SACS: variants seen among roughly 807,000 people sequenced by gnomAD.
SACS encodes sacsin.
SACS carries 197 observed loss-of-function variants against 348.0 expected under a neutral mutation model. That is an observed-to-expected ratio of 0.57 (90% CI 0.50 to 0.64). SACS has a LOEUF of 0.64. Ranked by LOEUF, SACS falls within the 30% of genes least tolerant of loss-of-function variation. SACS has a pLI of 0.00. For synonymous variants in SACS, 1,985 were observed against 1,910.6 expected, an observed-to-expected ratio of 1.04 and a Z score of -1.02; for missense variants, 4,999 against 5,360.8, an observed-to-expected ratio of 0.93 and a Z score of 2.11.
intron 9 of SACS, among the ~76,000 whole-genome samples, chr13:23,351,176 A>G (rs541616706): frequency 6.6e-6 from 1 of 152,364 alleles, no homozygotes; most frequent in Non-Finnish European, 1.5e-5. Context: ...GTAAGGCCCT[A>G]TATCATCATG....
Position 23,335,910 on chromosome 13 carries a change from G to C in SACS, c.7966C>G (p.Pro2656Ala). 7 of 1,612,850 alleles carry C rather than the reference G, an allele frequency of 4.3e-6. No homozygotes were observed. Among genetic ancestry groups the C allele is most frequent in the Non-Finnish European group, 5.9e-6 (7 of 1,179,006 alleles). Residue 2656 changes from proline (P) to alanine (A), a missense_variant, in exon 10 of 10, where the codon CCA becomes GCA. Pro to Ala is a conservative substitution (Grantham distance 27). This residue lies in a region of SACS where 3,156 missense variants were observed against 3,380.1 expected (regional missense o/e 0.93). Transcript: ENST00000382292. This position sits in a 1 kb window ranked among gnomAD's most constrained non-coding sequence, Gnocchi z 4.7. ...CIFDPHARYA[P>A]GATSISPGRM... Reference sequence around the variant, plus strand: ...CCGGGACTAATGGATGTGGCCCCTGGTGCATATCTGGCATGAGGATCAAAA... The same window carrying C: ...CCGGGACTAATGGATGTGGCCCCTGCTGCATATCTGGCATGAGGATCAAAA...
At chr13:23,365,304 G>C in intron 5 of SACS, 27 bp from the exon 6 acceptor site, 1 of 1,274,122 alleles carries the variant, frequency 7.8e-7, no homozygotes. Context: ...CCAAAAAATA[G>C]TAATTAATAA....
rs1868619592 is a variant in SACS, at chr13:23,336,566, C to T, written c.7310G>A (p.Arg2437Lys). Residue 2437 changes from arginine to lysine, a missense_variant, in exon 10 of 10, where the codon AGA (arginine) becomes AAA (lysine). Physicochemically the swap from Arg to Lys is conservative, Grantham distance 26. This residue lies in a region of SACS where 3,156 missense variants were observed against 3,380.1 expected (regional missense o/e 0.93). Coordinates refer to ENST00000382292, the MANE Select transcript of SACS (RefSeq NM_014363.6). ...CTCACAAAATTCTTGTTTCTTTTCT[C>T]TAATGAGACTCCATATTCCTTCACT... ...IISEGIWSLI[R>K]EKKQEFCEKN... The T allele has an allele frequency of 1.2e-6, 2 of 1,613,572 alleles. No individual in the cohort carries two copies. The highest frequency in any genetic ancestry group is 1.3e-5 in the African/African-American group (1 of 74,890).
chr13:23,414,507 C>T (rs149841943), intron 1 of SACS, among the ~76,000 whole-genome samples: 3 of 151,456 alleles, frequency 2.0e-5, no homozygotes, highest in East Asian at 3.9e-4. Context: ...GAACACTGCA[C>T]ATTCATGCTT....
At chr13:23,359,103 AC>A (rs1870573565) in intron 6 of SACS, among the ~76,000 whole-genome samples, 1 of 151,788 alleles carries the variant, frequency 6.6e-6, no homozygotes, top group South Asian at 2.1e-4. Flanking sequence ...AACTGCTTGA[AC>A]CCGAGAGGCA....
At position 23,341,681 on chromosome 13, in the gene SACS, C is replaced by T. The variant is rs770762001; in HGVS notation, c.2195G>A (p.Cys732Tyr). 7 of 1,610,646 alleles carry T rather than the reference C, an allele frequency of 4.3e-6. No homozygotes were observed. The highest frequency in any genetic ancestry group is 5.9e-6 in the Non-Finnish European group (7 of 1,178,846). ...TGGATTTAGAAGCTGCAGCTGAGTA[C>T]ATGGTCTTCCTGTAAATCATACACA... ...KEAAQTRGRP[C>Y]TQLQLLNPER... is the part of the protein sequence containing the mutation. The change falls in exon 10 of 10, where the codon TGT (cysteine) becomes TAT (tyrosine). Residue 732 changes from cysteine to tyrosine, a missense_variant. Coordinates refer to ENST00000382292, the MANE Select transcript of SACS (RefSeq NM_014363.6).
chr13:23,409,040 C>CTTTTTTTATTTT (rs1873360300), intron 2 of SACS, among the ~76,000 whole-genome samples: 1 of 35,122 alleles, frequency 2.8e-5, no homozygotes, highest in African/African-American at 1.1e-4. Context: ...ACAAGTTTTA[C>CTTTTTTTATTTT]TTTTTTTTTT....
rs1870532441 is a variant in SACS, at chr13:23,358,467, C to A, written c.472G>T (p.Val158Leu). The A allele has an allele frequency of 1.2e-6, 2 of 1,614,110 alleles. No homozygotes were observed. The highest frequency in any genetic ancestry group is 4.5e-5 in the East Asian group (2 of 44,874). ...GGGGTGAAAACCGCGTTGTTGTACA[C>A]ATAGAGAGCTGGCCCTAGGTGTGAA... ...MAPYQGPALYVYNNAVFTPED... is the reference protein window; with the variant it reads ...MAPYQGPALYLYNNAVFTPED... Residue 158 changes from valine (V) to leucine (L), a missense_variant, in exon 7 of 10, where the codon GTG becomes TTG. Physicochemically the swap from Val to Leu is conservative, Grantham distance 32. Transcript: ENST00000382292.
chr13:23,381,174 C>T (rs1394916896), intron 2 of SACS, among the ~76,000 whole-genome samples: 2 of 152,216 alleles, frequency 1.3e-5, no homozygotes. Context: ...TTTCCCTAAG[C>T]TGTGCTGCCT....
chr13:23,335,270 C>T lies in SACS; in HGVS notation c.8606G>A (p.Cys2869Tyr). Residue 2869 changes from cysteine to tyrosine, a missense_variant, in exon 10 of 10, where the codon TGT (cysteine) becomes TAT (tyrosine). Physicochemically the swap from Cys to Tyr is radical, Grantham distance 194. Coordinates refer to ENST00000382292, the MANE Select transcript of SACS (RefSeq NM_014363.6). The surrounding 1 kb of genome is among the most constrained non-coding windows in gnomAD (Gnocchi z 4.7). ...HNYKKPHRAF[C>Y]FLPLSLETGL... ...AGTCTCCAAAGAAAGAGGCAAAAAA[C>T]AGAAGGCCCTATGGGGTTTTTTATA... is the stretch of plus-strand genomic sequence containing the variant. 1 of 1,613,928 alleles carries T rather than the reference C, an allele frequency of 6.2e-7. No homozygotes were observed. The highest frequency in any genetic ancestry group is 8.5e-7 in the Non-Finnish European group (1 of 1,179,888).
chr13:23,348,042 G>A (rs1255218070), intron 9 of SACS, among the ~76,000 whole-genome samples: 8 of 152,078 alleles, frequency 5.3e-5, no homozygotes, highest in East Asian at 1.9e-4. Flanking sequence ...CCGACACCAA[G>A]CATCTGTACC....
At chr13:23,343,088 A>G (rs570911555) in intron 9 of SACS, among the ~76,000 whole-genome samples, 4 of 152,200 alleles carry the variant, frequency 2.6e-5, no homozygotes, top group African/African-American at 9.7e-5. Context: ...AGTGCTGTGA[A>G]GGCAGCAGAG....
At chr13:23,369,624 A>T (rs1474837106) in intron 4 of SACS, among the ~76,000 whole-genome samples, 1 of 151,554 alleles carries the variant, frequency 6.6e-6, no homozygotes, top group Non-Finnish European at 1.5e-5. Context: ...AGCTCACTGC[A>T]AGCTCCTTCT....
rs1052542171 is a variant in SACS, at chr13:23,371,229, CATT to C, written c.172-67_172-65del. The C allele has an allele frequency of 5.2e-6, 5 of 968,362 alleles. No homozygotes were observed. The East Asian group carries it at 1.4e-4, about 27-fold the overall frequency. 60.0% of individuals were successfully genotyped at this position (968,362 alleles called of 1,614,324 possible). ...AGTCTCTAATACTGTAAATTCAAGA[CATT>C]ATCTCAAATTTTTTCACTTAAGTAA... On this transcript the variant is annotated intron_variant, in intron 3 of 9. Transcript: ENST00000382292.
Position 23,336,120 on chromosome 13 carries a change from G to A in SACS, c.7756C>T (p.Pro2586Ser), listed in dbSNP as rs1868568551. Residue 2586 changes from proline (P) to serine (S), a missense_variant, in exon 10 of 10, where the codon CCA (proline) becomes TCA (serine). Coordinates refer to ENST00000382292, the MANE Select transcript of SACS (RefSeq NM_014363.6). Reference protein sequence around the residue: ...FDDKWAPLQGPALCVYNNQPF... With the variant: ...FDDKWAPLQGSALCVYNNQPF... ...TGGTTGTTGTACACACAAAGTGCTGGCCCTTGCAATGGGGCCCACTTATCA... is the reference window on the plus strand; with the variant it reads ...TGGTTGTTGTACACACAAAGTGCTGACCCTTGCAATGGGGCCCACTTATCA... 1.9e-6 allele frequency: 3 copies of A among 1,612,894 alleles called. No individual in the cohort carries two copies. Among genetic ancestry groups the A allele is most frequent in the Non-Finnish European group, 2.5e-6 (3 of 1,179,110 alleles).
chr13:23,366,115 C>T (rs1871044481), intron 5 of SACS, among the ~76,000 whole-genome samples: 1 of 152,104 alleles, frequency 6.6e-6, no homozygotes, highest in Admixed American at 6.6e-5. Context: ...TTTTACTTCC[C>T]CAGAGCCTTG....
At position 23,338,323 on chromosome 13, in the gene SACS, A is replaced by G; in HGVS notation, c.5553T>C (p.Val1851=). 6.2e-7 allele frequency: 1 copy of G among 1,614,126 alleles called. No homozygotes were observed. Among genetic ancestry groups the G allele is most frequent in the Non-Finnish European group, 8.5e-7 (1 of 1,179,998 alleles). Reference sequence around the variant, plus strand: ...TCTGGTCCTGGATTTCTGACAGCTGAACTCCTACTGCCCCACATGGAACCA... The same window carrying G: ...TCTGGTCCTGGATTTCTGACAGCTGGACTCCTACTGCCCCACATGGAACCA... The part of the protein sequence containing the change: ...LGLVPCGAVG[V]QLSEIQDQKW... Residue 1851 remains valine, a synonymous_variant, in exon 10 of 10, where the codon GTT becomes GTC. Coordinates refer to ENST00000382292, the MANE Select transcript of SACS (RefSeq NM_014363.6).
At chr13:23,385,445 C>T (rs982131160) in intron 2 of SACS, among the ~76,000 whole-genome samples, 9 of 151,914 alleles carry the variant, frequency 5.9e-5, no homozygotes, top group African/African-American at 1.9e-4. Flanking sequence ...CTGCAACTTC[C>T]GCTTCCTGGG....
chr13:23,372,729 C>T (rs1458633637), intron 3 of SACS, among the ~76,000 whole-genome samples: 1 of 152,142 alleles, frequency 6.6e-6, no homozygotes, highest in Non-Finnish European at 1.5e-5. Context: ...TCTGTATGTG[C>T]TTATCTCTGA....
Sources: gnomAD v4.1 joint callset for allele counts (sites outside exome capture counted in the v4.1 genomes callset) on GRCh38, gnomAD v4.1.1 for gene constraint, gnomAD v4.1.1 regional missense constraint, Gnocchi (gnomAD v3.1) non-coding constraint, MANE v1.5 for transcripts, NCBI Gene and HGNC (gene_info 2026-07-23, HGNC 2026-07-21) for gene names.